GRID1: variants seen among roughly 807,000 people sequenced by gnomAD.
GRID1 encodes glutamate ionotropic receptor delta type subunit 1.
A neutral mutation model predicts 98.0 loss-of-function variants in GRID1; 28 were observed. The observed-to-expected ratio is 0.29, with a 90% confidence interval of 0.21 to 0.39. The LOEUF is 0.39. Ranked by LOEUF, GRID1 falls within the 10% of genes least tolerant of loss-of-function variation. GRID1 has a pLI of 1.00. For synonymous variants in GRID1, 553 were observed against 538.5 expected, an observed-to-expected ratio of 1.03 and a Z score of -0.37; for missense variants, 1,111 against 1,340.5, an observed-to-expected ratio of 0.83 and a Z score of 2.67.
chr10:86,250,408 C>T (rs748870224), intron 2 of GRID1, among the ~76,000 whole-genome samples: 24 of 152,252 alleles, frequency 1.6e-4, no homozygotes, highest in Non-Finnish European at 3.1e-4. Context: ...AAGAGCCATT[C>T]AGGACAGTTT....
At position 85,722,641 on chromosome 10, in the gene GRID1, C is replaced by T. The variant is rs147101449; in HGVS notation, c.1997+362G>A. Among the ~76,000 whole-genome samples, 819 of 152,038 alleles carry T rather than the reference C, an allele frequency of 5.4e-3. 8 individuals are homozygous for T. Among genetic ancestry groups the T allele is most frequent in the African/African-American group, 0.019 (776 of 41,484 alleles). On this transcript the variant is annotated intron_variant, in intron 12 of 15. Coordinates refer to ENST00000327946, the MANE Select transcript of GRID1 (RefSeq NM_017551.3). ...TAAGGTGTTCGAAGATTGAAAAAAG[C>T]ATATATTAGACTTCTGGTTTAAATT...
chr10:85,907,831 T>C (rs530818463), intron 5 of GRID1, among the ~76,000 whole-genome samples: 1 of 152,300 alleles, frequency 6.6e-6, no homozygotes, highest in East Asian at 1.9e-4. Context: ...GATAATATAA[T>C]ATGAAAAGTA....
chr10:85,904,984 G>C (rs1312455072), intron 5 of GRID1, among the ~76,000 whole-genome samples: 1 of 151,940 alleles, frequency 6.6e-6, no homozygotes, highest in Non-Finnish European at 1.5e-5. Context: ...TTAAAGTTTT[G>C]ATGAAAATTA....
intron 2 of GRID1, among the ~76,000 whole-genome samples, chr10:86,300,773 C>T (rs186814535): frequency 6.6e-6 from 1 of 152,036 alleles, no homozygotes; most frequent in Non-Finnish European, 1.5e-5. Context: ...AGCATTTCCC[C>T]GGGCTCCAGT....
chr10:86,225,904 A>C (rs1196334420), intron 2 of GRID1, among the ~76,000 whole-genome samples: 1 of 152,140 alleles, frequency 6.6e-6, no homozygotes, highest in Non-Finnish European at 1.5e-5. Flanking sequence ...GTGTGTGAGC[A>C]TCAGGTCACC....
chr10:85,848,104 A>G (rs937259083), intron 8 of GRID1, among the ~76,000 whole-genome samples: 8 of 152,150 alleles, frequency 5.3e-5, no homozygotes, highest in African/African-American at 1.9e-4. Flanking sequence ...TTGCTGCCAA[A>G]CTAGCAAAAA....
In GRID1 at chr10:86,084,640, G is replaced by A. The variant is rs184257393; in HGVS notation, c.726+54179C>T. Among the ~76,000 whole-genome samples, 6 of 152,244 alleles carry A rather than the reference G, an allele frequency of 3.9e-5. No individual in the cohort carries two copies. In the South Asian group the frequency reaches 8.3e-4, roughly 21 times the overall value. On this transcript the variant is annotated intron_variant, in intron 4 of 15. Coordinates refer to ENST00000327946, the MANE Select transcript of GRID1 (RefSeq NM_017551.3). The stretch of plus-strand genomic sequence containing the variant: ...TAAAACAACTCAAGTGTCCATTGAC[G>A]GATTAATGAATGGATAAACAAAATG...
intron 8 of GRID1, among the ~76,000 whole-genome samples, chr10:85,750,183 G>A (rs748038989): frequency 6.6e-6 from 1 of 152,136 alleles, no homozygotes; most frequent in Non-Finnish European, 1.5e-5. Context: ...TCCAACAGGA[G>A]CATCTATTCT....
At chr10:85,890,892 G>T (rs1841191126) in intron 5 of GRID1, among the ~76,000 whole-genome samples, 7 of 152,124 alleles carry the variant, frequency 4.6e-5, no homozygotes, top group Admixed American at 4.6e-4. Context: ...GACCTGAGTA[G>T]CTATCTCCAT....
chr10:86,269,605 C>G (rs549299610), intron 2 of GRID1, among the ~76,000 whole-genome samples: 6 of 152,240 alleles, frequency 3.9e-5, no homozygotes, highest in Non-Finnish European at 8.8e-5. Flanking sequence ...TCTTGCCTCT[C>G]CTGGTTCTCA....
At chr10:86,364,225 C>T in intron 1 of GRID1, 129 bp from the exon 2 acceptor site, 1 of 715,952 alleles carries the variant, frequency 1.4e-6, no homozygotes, top group Non-Finnish European at 2.4e-6. Context: ...GGGATTTCAG[C>T]TTGGCGGGGT....
At chr10:85,809,134 G>A (rs1358825141) in intron 8 of GRID1, among the ~76,000 whole-genome samples, 1 of 151,836 alleles carries the variant, frequency 6.6e-6, no homozygotes, top group Non-Finnish European at 1.5e-5. Flanking sequence ...ACCGGACACA[G>A]CAGAAGACGT....
At chr10:85,856,220 C>G in intron 6 of GRID1, 30 bp from the exon 7 acceptor site, 3 of 1,606,024 alleles carry the variant, frequency 1.9e-6, no homozygotes, top group Non-Finnish European at 2.6e-6. Context: ...GAAACCCTTT[C>G]CACAGGTGCA....
intron 8 of GRID1, among the ~76,000 whole-genome samples, chr10:85,749,152 C>T (rs989968468): frequency 3.3e-5 from 5 of 152,186 alleles, no homozygotes; most frequent in Non-Finnish European, 7.3e-5. Flanking sequence ...CATCAAATAT[C>T]AATATGTTCT....
chr10:85,698,750 C>T, intron 12 of GRID1, among the ~76,000 whole-genome samples: 1 of 152,206 alleles, frequency 6.6e-6, no homozygotes, highest in East Asian at 1.9e-4. Context: ...AACTGTCTGC[C>T]AAAGTGGCCA....
intron 2 of GRID1, among the ~76,000 whole-genome samples, chr10:86,244,281 A>C (rs1419918044): frequency 2.0e-5 from 3 of 152,286 alleles, no homozygotes; most frequent in Non-Finnish European, 4.4e-5. Flanking sequence ...CAGCCCTTCA[A>C]GGGGGCAGAG....
At chr10:85,812,421 G>A (rs976395156) in intron 8 of GRID1, among the ~76,000 whole-genome samples, 1 of 152,142 alleles carries the variant, frequency 6.6e-6, no homozygotes, top group Non-Finnish European at 1.5e-5. Flanking sequence ...ATGATGATCA[G>A]GGTGTATGTA....
chr10:86,336,257 A>C lies in GRID1; in HGVS notation c.235+27684T>G, dbSNP rs532487891. 1.3e-4 allele frequency among the ~76,000 whole-genome samples: 20 copies of C among 152,356 alleles called. No individual in the cohort carries two copies. In the East Asian group the frequency reaches 1.9e-3, roughly 15 times the overall value. On this transcript the variant is annotated intron_variant, in intron 2 of 15. Transcript: ENST00000327946. ...TACACAATAACACATAGAAACACTA[A>C]TAGGGTGCACAATGGCAGAGGCAGA...
At chr10:85,814,256 T>C (rs998115240) in intron 8 of GRID1, among the ~76,000 whole-genome samples, 2 of 151,924 alleles carry the variant, frequency 1.3e-5, no homozygotes, top group Non-Finnish European at 2.9e-5. Context: ...TGGATAATTA[T>C]GCAACTTATG....
Sources: allele counts gnomAD v4.1 joint callset (sites outside exome capture counted in the v4.1 genomes callset), GRCh38; gene constraint gnomAD v4.1.1; transcripts MANE v1.5; gene names NCBI Gene and HGNC (gene_info 2026-07-23, HGNC 2026-07-21).